Variants in AKAP9 observed in about 807,000 individuals in gnomAD.
The protein encoded by AKAP9 is A-kinase anchor protein 9.
In AKAP9, 311 loss-of-function variants were observed where a neutral mutation model predicts 488.5. That is an observed-to-expected ratio of 0.64 (90% confidence interval 0.58 to 0.70). AKAP9 has a LOEUF of 0.70. Among genes scored for constraint, AKAP9 ranks in the 30% least tolerant of loss-of-function variants. The probability of loss-of-function intolerance (pLI) is 0.00; values close to 1 mark genes in which losing one functional copy is unlikely to be tolerated. For synonymous variants in AKAP9, 1,462 were observed against 1,483.5 expected (o/e 0.99, Z 0.33); for missense variants, 4,215 against 4,374.5 (o/e 0.96, Z 1.03).
intron 26 of AKAP9, among the ~76,000 whole-genome samples, chr7:92,066,829 T>A (rs563186674): frequency 6.6e-6 from 1 of 152,278 alleles, no homozygotes; most frequent in African/African-American, 2.4e-5. Flanking sequence ...ATCAAGAGAG[T>A]TATCTGTGTT....
At chr7:92,030,108 AG>A in intron 15 of AKAP9, 117 bp downstream of exon 15, 1 of 724,572 alleles carries the variant, frequency 1.4e-6, no homozygotes, top group Non-Finnish European at 2.3e-6. Context: ...AATAAATATG[AG>A]GATAATGCCT....
At chr7:92,081,647 A>T (rs1461773258) in intron 31 of AKAP9, among the ~76,000 whole-genome samples, 1 of 151,770 alleles carries the variant, frequency 6.6e-6, no homozygotes, top group Non-Finnish European at 1.5e-5. Flanking sequence ...TACAAATTTT[A>T]TACCTGATAA....
In AKAP9 at chr7:92,040,918, C is replaced by A. The variant is rs745419292; in HGVS notation, c.4917+20C>A. The A allele has an allele frequency of 1.4e-5, 22 of 1,576,638 alleles. No individual in the cohort carries two copies. The highest frequency in any genetic ancestry group is 5.3e-5 in the Admixed American group (3 of 56,144). On this transcript the variant is annotated intron_variant, in intron 18 of 49. Coordinates refer to ENST00000356239, the MANE Select transcript of AKAP9 (RefSeq NM_005751.5). Reference sequence around the variant, plus strand: ...GCCCAGGTAAGGGTCTTGTAGTCCCCTTTCTCTCCCCAGTTATTTTTTTTT... The same window carrying A: ...GCCCAGGTAAGGGTCTTGTAGTCCCATTTCTCTCCCCAGTTATTTTTTTTT...
chr7:91,968,814 A>G (rs369336527), intron 1 of AKAP9, among the ~76,000 whole-genome samples: 1 of 152,046 alleles, frequency 6.6e-6, no homozygotes, highest in African/African-American at 2.4e-5. Context: ...AGAAATTTAA[A>G]ATTTTCTCTT....
chr7:92,042,310 ATGT>A, intron 19 of AKAP9, 124 bp downstream of exon 19: 1 of 1,306,078 alleles, frequency 7.7e-7, no homozygotes, highest in Middle Eastern at 1.9e-4. Flanking sequence ...TTGTGACTGC[ATGT>A]GTGTAAGGTA....
chr7:92,008,171 T>C (rs1207828110), intron 8 of AKAP9, among the ~76,000 whole-genome samples: 1 of 148,160 alleles, frequency 6.7e-6, no homozygotes, highest in Non-Finnish European at 1.5e-5. Context: ...AGTTCAAGAT[T>C]GACCTGATCA....
At chr7:92,009,107 C>A (rs2130692373) in intron 8 of AKAP9, among the ~76,000 whole-genome samples, 1 of 152,126 alleles carries the variant, frequency 6.6e-6, no homozygotes, top group African/African-American at 2.4e-5. Flanking sequence ...GTGCTTGAGC[C>A]CAGGAGTTCA....
At chr7:92,029,481 T>TA (rs961897892) in intron 14 of AKAP9, among the ~76,000 whole-genome samples, 2 of 152,018 alleles carry the variant, frequency 1.3e-5, no homozygotes, top group South Asian at 2.1e-4. Flanking sequence ...TAGATAACTT[T>TA]AAAAAAAATG....
At chr7:92,104,413 G>A (rs185731139) in intron 46 of AKAP9, among the ~76,000 whole-genome samples, 21 of 151,808 alleles carry the variant, frequency 1.4e-4, no homozygotes, top group African/African-American at 5.1e-4. Flanking sequence ...GGATGGTCTC[G>A]ATCTCCTGAC....
chr7:92,021,337 C>T (rs186554516), intron 12 of AKAP9, among the ~76,000 whole-genome samples: 1 of 152,262 alleles, frequency 6.6e-6, no homozygotes, highest in Admixed American at 6.5e-5. Context: ...TATTTTTACT[C>T]TTGTCACAGT....
chr7:92,016,177 G>T lies in AKAP9; in HGVS notation c.3661G>T (p.Glu1221Ter). 1 of 1,598,902 alleles carries T rather than the reference G, an allele frequency of 6.3e-7. No homozygotes were observed. Among genetic ancestry groups the T allele is most frequent in the Non-Finnish European group, 8.6e-7 (1 of 1,166,924 alleles). The change falls in exon 11 of 50, where the codon GAA (glutamate) becomes TAA (stop). Residue 1221 changes from glutamate to a stop codon, truncating the protein, a stop_gained. Coordinates refer to ENST00000356239, the MANE Select transcript of AKAP9 (RefSeq NM_005751.5). LOFTEE classifies it high-confidence loss of function. ...ATATTATACTCCTGCTTTAAAATGT[G>T]AAGTAAATGCAGAAGACAAAGAGAA... ...GEYYTPALKCEVNAEDKENSG... is the reference protein window; with the variant it reads ...GEYYTPALKC
Position 92,038,609 on chromosome 7 carries a change from T to G in AKAP9, c.4529T>G (p.Phe1510Cys). The G allele has an allele frequency of 1.2e-6, 2 of 1,613,800 alleles. No homozygotes were observed. The highest frequency in any genetic ancestry group is 1.7e-6 in the Non-Finnish European group (2 of 1,179,900). The change falls in exon 17 of 50, where the codon TTT (phenylalanine) becomes TGT (cysteine). Residue 1510 changes from phenylalanine to cysteine, a missense_variant. Coordinates refer to ENST00000356239, the MANE Select transcript of AKAP9 (RefSeq NM_005751.5). The part of the protein sequence containing the change: ...FQTFETVDVK[F>C]KEEFKPLSKE... Reference sequence around the variant, plus strand: ...ACTTTTGAGACAGTGGATGTGAAATTTAAAGAAGAATTTAAACCACTTAGT... The same window carrying G: ...ACTTTTGAGACAGTGGATGTGAAATGTAAAGAAGAATTTAAACCACTTAGT...
chr7:92,044,807 A>G (rs1445865299), intron 20 of AKAP9, among the ~76,000 whole-genome samples: 3 of 152,208 alleles, frequency 2.0e-5, no homozygotes, highest in East Asian at 1.9e-4. Context: ...TTTTTCAGAC[A>G]AAAACAAATC....
rs1799143698 is a variant in AKAP9 at position 92,001,265 on chromosome 7, C to T, written c.1348C>T (p.Gln450Ter). 2 of 1,613,692 alleles carry T rather than the reference C, an allele frequency of 1.2e-6. No homozygotes were observed. The highest frequency in any genetic ancestry group is 1.7e-6 in the Non-Finnish European group (2 of 1,179,890). Residue 450 changes from glutamine to a stop codon, truncating the protein, a stop_gained, in exon 8 of 50, where the codon CAA becomes TAA. Transcript: ENST00000356239. LOFTEE classifies it high-confidence loss of function. ...TGGGCAGCAGATAGTGCAAATGAAACAAGAATTAATAAGACAACACATGGC... is the reference window on the plus strand; with the variant it reads ...TGGGCAGCAGATAGTGCAAATGAAATAAGAATTAATAAGACAACACATGGC... ...MYGQQIVQMKQELIRQHMAQM... is the reference protein window; with the variant it reads ...MYGQQIVQMK
rs897751396 is a variant in AKAP9, at chr7:92,070,077, T to C, written c.6378T>C (p.Ser2126=). 1.2e-6 allele frequency: 2 copies of C among 1,613,740 alleles called. No individual in the cohort carries two copies. Among genetic ancestry groups the C allele is most frequent in the Non-Finnish European group, 1.7e-6 (2 of 1,179,928 alleles). Residue 2126 remains serine, a synonymous_variant, in exon 27 of 50, where the codon AGT becomes AGC. Coordinates refer to ENST00000356239, the MANE Select transcript of AKAP9 (RefSeq NM_005751.5). ...NHLKEKTDKC[S]ELLLSKEQLQ... ...TGAAAGAAAAAACAGACAAATGCAGTGAGCTTTTGCTCTCTAAAGAGCAGC... is the reference window on the plus strand; with the variant it reads ...TGAAAGAAAAAACAGACAAATGCAGCGAGCTTTTGCTCTCTAAAGAGCAGC...
At chr7:92,095,546 C>G (rs1816418149) in intron 40 of AKAP9, among the ~76,000 whole-genome samples, 1 of 152,198 alleles carries the variant, frequency 6.6e-6, no homozygotes, top group Admixed American at 6.5e-5. Flanking sequence ...GGAGCCCTCA[C>G]TGCTTAAGAA....
intron 1 of AKAP9, among the ~76,000 whole-genome samples, chr7:91,956,837 G>A (rs1237198982): frequency 2.0e-5 from 3 of 152,080 alleles, no homozygotes; most frequent in African/African-American, 7.2e-5. Flanking sequence ...GTATTGTTTT[G>A]TTTCTGATAA....
In AKAP9 at chr7:92,018,395, AACACACACACACACACAC is replaced by A. The variant is rs56394853; in HGVS notation, c.3837+1323_3837+1340del. Among the ~76,000 whole-genome samples, 16 of 120,610 alleles carry A rather than the reference AACACACACACACACACAC, an allele frequency of 1.3e-4. No homozygotes were observed. The South Asian group carries it at 1.5e-3, about 11-fold the overall frequency. The allele number at this position is 120,610 out of a possible 152,430, so 79.1% of individuals were successfully genotyped here. A position where few individuals can be genotyped will look rare whatever the true frequency, so the allele number is the denominator to read the frequency against. Reference sequence around the variant, plus strand: ...CTCAAGACCTCATTTCTAAAAATATAACACACACACACACACACACACACACACACACACACACACACA... The same window carrying A: ...CTCAAGACCTCATTTCTAAAAATATAACACACACACACACACACACACACA... On this transcript the variant is annotated intron_variant, in intron 12 of 49. Coordinates refer to ENST00000356239, the MANE Select transcript of AKAP9 (RefSeq NM_005751.5).
At chr7:91,995,884 G>A in intron 7 of AKAP9, 84 bp downstream of exon 7, 3 of 984,082 alleles carry the variant, frequency 3.0e-6, no homozygotes, top group Non-Finnish European at 4.5e-6. Context: ...TTTTTGTTAG[G>A]CACATGAATC....
Sources: allele counts gnomAD v4.1 joint callset (sites outside exome capture counted in the v4.1 genomes callset), GRCh38; gene constraint gnomAD v4.1.1; transcripts MANE v1.5; gene names NCBI Gene and HGNC (gene_info 2026-07-23, HGNC 2026-07-21).